LINGO2: variants seen among roughly 807,000 people sequenced by gnomAD.
The protein encoded by LINGO2 is leucine-rich repeat and immunoglobulin-like domain-containing nogo receptor-interacting protein 2.
Under a neutral mutation model 30.6 loss-of-function variants are expected in LINGO2, and 14 were observed. The ratio of observed to expected loss-of-function variants is 0.46; its 90% confidence interval spans 0.30 to 0.72. The LOEUF is 0.72. Ranked by LOEUF, LINGO2 falls within the 30% of genes least tolerant of loss-of-function variation. LINGO2 has a pLI of 0.07. For synonymous variants in LINGO2, 317 were observed against 288.5 expected, an observed-to-expected ratio of 1.10 and a Z score of -1.00; for missense variants, 729 against 751.7, an observed-to-expected ratio of 0.97 and a Z score of 0.35.
chr9:28,107,073 A>G (rs1054287025), intron 4 of LINGO2, among the ~76,000 whole-genome samples: 1 of 151,778 alleles, frequency 6.6e-6, no homozygotes, highest in African/African-American at 2.4e-5. Flanking sequence ...TGTTTTTCGG[A>G]TCTCACTTCC....
chr9:27,953,124 A>AT (rs1207931345), intron 5 of LINGO2, among the ~76,000 whole-genome samples: 1 of 152,110 alleles, frequency 6.6e-6, no homozygotes, highest in Non-Finnish European at 1.5e-5. Flanking sequence ...TGCCTGTCAT[A>AT]TTGATAAAGT....
chr9:29,209,867 T>C, the LINGO2 span, among the ~76,000 whole-genome samples: 2 of 152,060 alleles, frequency 1.3e-5, no homozygotes, highest in African/African-American at 4.8e-5. Flanking sequence ...TTTTTCAATC[T>C]AACATGCTTC....
the LINGO2 span, among the ~76,000 whole-genome samples, chr9:28,777,113 G>A: frequency 1.8e-4 from 27 of 151,974 alleles, no homozygotes; most frequent in African/African-American, 6.3e-4. Flanking sequence ...TAAATTTCCT[G>A]AGGCCTCCCA....
chr9:28,196,599 G>A (rs1054038131), intron 4 of LINGO2, among the ~76,000 whole-genome samples: 3 of 151,830 alleles, frequency 2.0e-5, no homozygotes, highest in Non-Finnish European at 4.4e-5. Flanking sequence ...AACAGAAAGA[G>A]GTCCTTACAA....
chr9:28,993,648 C>T, the LINGO2 span, among the ~76,000 whole-genome samples: 284 of 150,500 alleles, frequency 1.9e-3, 3 homozygotes, highest in African/African-American at 6.5e-3. Flanking sequence ...TCCAGCAGCA[C>T]ATCAAAGAGC....
At chr9:28,629,464 T>C (rs1826832857) in intron 1 of LINGO2, among the ~76,000 whole-genome samples, 2 of 152,214 alleles carry the variant, frequency 1.3e-5, no homozygotes, top group South Asian at 4.1e-4. Context: ...TTTCCCTTTC[T>C]CTTAGGAGAA....
chr9:28,821,422 C>G, the LINGO2 span, among the ~76,000 whole-genome samples: 12 of 152,300 alleles, frequency 7.9e-5, no homozygotes, highest in African/African-American at 2.9e-4. Context: ...GTGGGATGCT[C>G]ACCCCAACAA....
At chr9:28,447,653 C>G (rs565286845) in intron 2 of LINGO2, among the ~76,000 whole-genome samples, 1 of 152,302 alleles carries the variant, frequency 6.6e-6, no homozygotes, top group South Asian at 2.1e-4. Flanking sequence ...AAGATTGAAA[C>G]TGTTAGCTTT....
At chr9:29,040,449 A>G in the LINGO2 span, among the ~76,000 whole-genome samples, 2 of 152,054 alleles carry the variant, frequency 1.3e-5, no homozygotes, top group Admixed American at 6.6e-5. Context: ...ATTGATTTAC[A>G]GCATAATAGT....
chr9:29,153,962 A>T, the LINGO2 span, among the ~76,000 whole-genome samples: 1 of 152,184 alleles, frequency 6.6e-6, no homozygotes, highest in African/African-American at 2.4e-5. Flanking sequence ...AGTTCTCTCC[A>T]CTAAAATGGA....
chr9:28,276,772 G>A (rs572921209), intron 4 of LINGO2, among the ~76,000 whole-genome samples: 1 of 151,904 alleles, frequency 6.6e-6, no homozygotes, highest in Admixed American at 6.6e-5. Flanking sequence ...GAGCTACAGG[G>A]GGATAAAATG....
chr9:28,805,068 G>A, the LINGO2 span, among the ~76,000 whole-genome samples: 1 of 152,124 alleles, frequency 6.6e-6, no homozygotes, highest in Non-Finnish European at 1.5e-5. Flanking sequence ...CTGGTCCCAA[G>A]TCTATAGTTT....
At chr9:28,015,860 T>A (rs546726796) in intron 4 of LINGO2, among the ~76,000 whole-genome samples, 2 of 152,222 alleles carry the variant, frequency 1.3e-5, no homozygotes, top group South Asian at 4.1e-4. Flanking sequence ...CTATGCACCC[T>A]GAACTGTGCT....
In LINGO2 at chr9:28,622,364, T is replaced by C. The variant is rs1008690038; in HGVS notation, c.-365+47836A>G. Among the ~76,000 whole-genome samples, 4 of 151,962 alleles carry C rather than the reference T, an allele frequency of 2.6e-5. No individual in the cohort carries two copies. In the East Asian group the frequency reaches 7.7e-4, roughly 29 times the overall value. On this transcript the variant is annotated intron_variant, in intron 1 of 5. Transcript: ENST00000379992. ...CTCTCTCTGTCCATTTACTTGTTTT[T>C]ATTTTTTATTTTAATTTTAATTAAT...
intron 4 of LINGO2, among the ~76,000 whole-genome samples, chr9:28,269,564 A>G (rs1032000730): frequency 1.3e-5 from 2 of 152,144 alleles, no homozygotes; most frequent in African/African-American, 4.8e-5. Context: ...TGGACAGAGT[A>G]GCATTTCTCA....
At chr9:28,328,505 C>G (rs1825308342) in intron 3 of LINGO2, among the ~76,000 whole-genome samples, 1 of 150,610 alleles carries the variant, frequency 6.6e-6, no homozygotes, top group Admixed American at 6.6e-5. Context: ...ATTGTGGGAA[C>G]TAGGAAGAGA....
At chr9:28,062,668 A>C (rs1471232163) in intron 4 of LINGO2, among the ~76,000 whole-genome samples, 1 of 147,958 alleles carries the variant, frequency 6.8e-6, no homozygotes, top group Non-Finnish European at 1.5e-5. Flanking sequence ...GTATATATAC[A>C]AAATCAAATA....
At chr9:28,237,117 C>CGG (rs35883848) in intron 4 of LINGO2, among the ~76,000 whole-genome samples, 6,075 of 112,240 alleles carry the variant, frequency 0.054, 277 homozygotes, top group African/African-American at 0.062. Flanking sequence ...TTAAACAGTG[C>CGG]GGGGGGGGGG....
At chr9:28,797,439 A>G in the LINGO2 span, among the ~76,000 whole-genome samples, 6 of 149,498 alleles carry the variant, frequency 4.0e-5, no homozygotes, top group Admixed American at 4.0e-4. Flanking sequence ...CAAGACAGAA[A>G]TGATGACACT....
Sources: allele counts gnomAD v4.1 joint callset (sites outside exome capture counted in the v4.1 genomes callset), GRCh38; gene constraint gnomAD v4.1.1; transcripts MANE v1.5; gene names NCBI Gene and HGNC (gene_info 2026-07-23, HGNC 2026-07-21).